The following ADGRB1 variants were observed in gnomAD, a reference collection of about 807,000 sequenced individuals.
ADGRB1 encodes the protein brain-specific angiogenesis inhibitor 1.
A neutral mutation model predicts 175.7 loss-of-function variants in ADGRB1; 36 were observed. That is an observed-to-expected ratio of 0.20 (90% confidence interval 0.16 to 0.27). The LOEUF (loss-of-function observed/expected upper bound fraction) is 0.27, where lower values mean the gene tolerates loss of function less well. Ranked by LOEUF, ADGRB1 falls within the 10% of genes least tolerant of loss-of-function variation. The pLI is 1.00. For synonymous variants in ADGRB1, 1,054 were observed against 979.4 expected (o/e 1.08, Z -1.42); for missense variants, 1,731 against 2,255.3 (o/e 0.77, Z 4.71).
chr8:142,523,888 G>A (rs951047582), intron 22 of ADGRB1, among the ~76,000 whole-genome samples: 2 of 152,114 alleles, frequency 1.3e-5, no homozygotes, highest in African/African-American at 4.8e-5. Flanking sequence ...GGGTCGGCCA[G>A]AGACCCCAAG....
rs548116475 is a variant in ADGRB1 at position 142,476,505 on chromosome 8, G to A, written c.947-80G>A. The A allele has an allele frequency of 3.3e-5, 45 of 1,352,200 alleles. 1 individual carries two copies. In the African/African-American group the frequency reaches 5.5e-4, roughly 17 times the overall value. The allele number at this position is 1,352,200 out of a possible 1,614,324, so 83.8% of individuals were successfully genotyped here. ...TGGAGCCAGGTGGCCCAGTGCTGCC[G>A]AACTCAGAGCACTGTGGCCACAGAG... On this transcript the variant is annotated intron_variant, in intron 3 of 30. Coordinates refer to ENST00000517894, the MANE Select transcript of ADGRB1 (RefSeq NM_001702.3).
chr8:142,537,511 C>T lies in ADGRB1; in HGVS notation c.3666+429C>T, dbSNP rs1029781583. Among the ~76,000 whole-genome samples, 6 of 152,184 alleles carry T rather than the reference C, an allele frequency of 3.9e-5. No individual in the cohort carries two copies. The highest frequency in any genetic ancestry group is 1.4e-4 in the African/African-American group (6 of 41,510). On this transcript the variant is annotated intron_variant, in intron 26 of 30. Transcript: ENST00000517894. The surrounding 1 kb of genome is among the most constrained non-coding windows in gnomAD (Gnocchi z 4.6). Reference sequence around the variant, plus strand: ...TCCAGCCTAGCCTGCCCATCCCCTCCCCCTACCCCGCATATTCCCACCTGC... The same window carrying T: ...TCCAGCCTAGCCTGCCCATCCCCTCTCCCTACCCCGCATATTCCCACCTGC...
intron 27 of ADGRB1, chr8:142,539,718 C>T (rs1333295104): frequency 3.8e-6 from 2 of 531,476 alleles, no homozygotes; most frequent in Non-Finnish European, 3.4e-6. Flanking sequence ...GCGTCCCCTG[C>T]CCACCTGACA....
intron 17 of ADGRB1, among the ~76,000 whole-genome samples, chr8:142,500,653 C>T (rs997855659): frequency 1.3e-5 from 2 of 152,024 alleles, no homozygotes; most frequent in African/African-American, 2.4e-5. Flanking sequence ...CAGTGTTACC[C>T]TGAGGTCAGA....
rs1048058967 is a variant in ADGRB1, at chr8:142,492,873, C to T, written c.2675+2058C>T. On this transcript the variant is annotated intron_variant, in intron 17 of 30. Coordinates refer to ENST00000517894, the MANE Select transcript of ADGRB1 (RefSeq NM_001702.3). The surrounding 1 kb of genome is among the most constrained non-coding windows in gnomAD (Gnocchi z 4.4). ...GTCTCTCACCCCCACAGCCCCAGCA[C>T]TTCCACCAGCACAGGCCCCTCCCCA... is the stretch of plus-strand genomic sequence containing the variant. Among the ~76,000 whole-genome samples, 7 of 152,068 alleles carry T rather than the reference C, an allele frequency of 4.6e-5. No individual in the cohort carries two copies. The highest frequency in any genetic ancestry group is 2.1e-4 in the South Asian group (1 of 4,824).
intron 9 of ADGRB1, 31 bp from the exon 10 acceptor site, chr8:142,481,223 C>T (rs948180291): frequency 4.4e-6 from 7 of 1,596,524 alleles, no homozygotes; most frequent in African/African-American, 4.0e-5. Context: ...AGGCAGCGGG[C>T]ATCCACCTGA....
rs1842769536 is a variant in ADGRB1 at position 142,504,614 on chromosome 8, G to A, written c.2676-6318G>A. On this transcript the variant is annotated intron_variant, in intron 17 of 30. Coordinates refer to ENST00000517894, the MANE Select transcript of ADGRB1 (RefSeq NM_001702.3). The surrounding 1 kb of genome is among the most constrained non-coding windows in gnomAD (Gnocchi z 5.6). Reference sequence around the variant, plus strand: ...GCAGGGGGGAAGTCTGGTTATCCAGGTAGACTTCCTGGAGGAGGACACAAT... The same window carrying A: ...GCAGGGGGGAAGTCTGGTTATCCAGATAGACTTCCTGGAGGAGGACACAAT... Among the ~76,000 whole-genome samples the A allele has an allele frequency of 2.0e-5, 3 of 152,132 alleles. No homozygotes were observed. The highest frequency in any genetic ancestry group is 1.3e-4 in the Admixed American group (2 of 15,284).
chr8:142,470,455 G>A lies in ADGRB1; in HGVS notation c.785-5019G>A, dbSNP rs188017884. Among the ~76,000 whole-genome samples, 90 of 151,728 alleles carry A rather than the reference G, an allele frequency of 5.9e-4. 1 individual carries two copies. In the East Asian group the frequency reaches 0.013, roughly 22 times the overall value. On this transcript the variant is annotated intron_variant, in intron 2 of 30. Coordinates refer to ENST00000517894, the MANE Select transcript of ADGRB1 (RefSeq NM_001702.3). ...GTGTGTGGAGCCATTTTTTGCACAA[G>A]GAGGGACAGGGGAGCCACTCCTTTT...
chr8:142,491,586 C>T (rs1374381812), intron 17 of ADGRB1, among the ~76,000 whole-genome samples: 2 of 152,192 alleles, frequency 1.3e-5, no homozygotes, highest in African/African-American at 4.8e-5. Flanking sequence ...GCGGCCGGGT[C>T]CCAACATGCG....
At chr8:142,499,931 A>G (rs1842408755) in intron 17 of ADGRB1, among the ~76,000 whole-genome samples, 1 of 151,260 alleles carries the variant, frequency 6.6e-6, no homozygotes, top group Non-Finnish European at 1.5e-5. Context: ...GTTGGGCCCA[A>G]GTGGAGCGAC....
In ADGRB1 at chr8:142,543,729, CGGGGTGGGGA is replaced by C; in HGVS notation, c.4557+23_4557+32del. On this transcript the variant is annotated intron_variant, in intron 30 of 30. Transcript: ENST00000517894. This position sits in a 1 kb window ranked among gnomAD's most constrained non-coding sequence, Gnocchi z 4.4. The stretch of plus-strand genomic sequence containing the variant: ...GCAAGGTCTGGAGGGCAGGGAGGGG[CGGGGTGGGGA>C]GAGCCCTTAGGTCAGGCCACCGTCT... 1 of 387,744 alleles carries C rather than the reference CGGGGTGGGGA, an allele frequency of 2.6e-6. No individual in the cohort carries two copies. The highest frequency in any genetic ancestry group is 5.0e-6 in the Non-Finnish European group (1 of 198,850). The allele number at this position is 387,744 out of a possible 1,614,324, so 24.0% of individuals were successfully genotyped here.
chr8:142,481,152 G>T, intron 9 of ADGRB1, 102 bp from the exon 10 acceptor site: 3 of 1,067,838 alleles, frequency 2.8e-6, no homozygotes, highest in South Asian at 1.3e-5. Context: ...CTGTTTCTGG[G>T]GGCCACAGGG....
intron 17 of ADGRB1, among the ~76,000 whole-genome samples, chr8:142,502,252 T>C (rs1374589890): frequency 7.3e-6 from 1 of 137,816 alleles, no homozygotes; most frequent in Admixed American, 7.4e-5. Context: ...GTGGTGGTGC[T>C]GGTGGTGATG....
intron 1 of ADGRB1, among the ~76,000 whole-genome samples, chr8:142,461,672 A>G (rs952713783): frequency 1.2e-4 from 19 of 152,194 alleles, no homozygotes; most frequent in Non-Finnish European, 2.1e-4. Flanking sequence ...AGGGCCTGGG[A>G]TGAGGAGGGG....
At chr8:142,469,193 ATGTGCATG>A (rs1272327217) in intron 2 of ADGRB1, among the ~76,000 whole-genome samples, 2 of 148,338 alleles carry the variant, frequency 1.3e-5, no homozygotes, top group African/African-American at 5.0e-5. Context: ...ATGTGTGCAC[ATGTGCATG>A]TGTGAATGTG....
chr8:142,491,484 G>T (rs1189709008), intron 17 of ADGRB1, among the ~76,000 whole-genome samples: 3 of 152,200 alleles, frequency 2.0e-5, no homozygotes, highest in Non-Finnish European at 4.4e-5. Flanking sequence ...AGAGAAGCTC[G>T]CCCAGTCACA....
At position 142,524,565 on chromosome 8, in the gene ADGRB1, T is replaced by C. The variant is rs1157272017; in HGVS notation, c.3312+261T>C. Among the ~76,000 whole-genome samples, 18 of 152,300 alleles carry C rather than the reference T, an allele frequency of 1.2e-4. No homozygotes were observed. The East Asian group carries it at 3.1e-3, about 26-fold the overall frequency. On this transcript the variant is annotated intron_variant, in intron 23 of 30. Transcript: ENST00000517894. ...TTGCCTGATTATTGGGTGCCAGCTG[T>C]GTACCTGCCAGGAGATCCCCGCGGG...
intron 14 of ADGRB1, 128 bp from the exon 15 acceptor site, chr8:142,488,907 C>A: frequency 8.4e-7 from 1 of 1,195,342 alleles, no homozygotes; most frequent in Non-Finnish European, 1.2e-6. Flanking sequence ...CACCATCCGC[C>A]AGGGCCCTGG....
chr8:142,457,645 G>C (rs1839753400), intron 1 of ADGRB1, among the ~76,000 whole-genome samples: 1 of 152,140 alleles, frequency 6.6e-6, no homozygotes. Flanking sequence ...CTACGGGCAG[G>C]CCTAGCTACC....
Sources: allele counts gnomAD v4.1 joint callset (sites outside exome capture counted in the v4.1 genomes callset), GRCh38; gene constraint gnomAD v4.1.1; non-coding constraint Gnocchi (gnomAD v3.1); transcripts MANE v1.5; gene names NCBI Gene and HGNC (gene_info 2026-07-23, HGNC 2026-07-21).